Variants in LIMD1 observed in about 807,000 individuals in gnomAD.
The protein encoded by LIMD1 is LIM domain-containing protein 1.
LIMD1 carries 23 observed loss-of-function variants against 58.4 expected under a neutral mutation model. That is an observed-to-expected ratio of 0.39 (90% CI 0.28 to 0.56). LIMD1 has a LOEUF of 0.56. Among genes scored for constraint, LIMD1 ranks in the 20% least tolerant of loss-of-function variants. The pLI is 0.57. For synonymous variants in LIMD1, 334 were observed against 345.5 expected (o/e 0.97, Z 0.37); for missense variants, 838 against 855.5 (o/e 0.98, Z 0.25).
intron 1 of LIMD1, among the ~76,000 whole-genome samples, chr3:45,631,032 C>T (rs925119197): frequency 3.9e-5 from 6 of 152,028 alleles, no homozygotes; most frequent in Non-Finnish European, 8.8e-5. Context: ...GGAGAAACCC[C>T]GTCTCTACTA....
chr3:45,673,352 A>G, intron 5 of LIMD1, 102 bp from the exon 6 acceptor site: 1 of 859,944 alleles, frequency 1.2e-6, no homozygotes, highest in Non-Finnish European at 2.0e-6. Flanking sequence ...AAGGGGCAGG[A>G]GGCGGCATGG....
At chr3:45,623,888 G>A (rs1311380385) in intron 1 of LIMD1, among the ~76,000 whole-genome samples, 1 of 152,162 alleles carries the variant, frequency 6.6e-6, no homozygotes, top group Non-Finnish European at 1.5e-5. Context: ...TTCGCACATC[G>A]ATTCTGTACA....
rs1223997062 is a variant in LIMD1 at position 45,679,948 on chromosome 3, C to G, written c.*2889C>G. The stretch of plus-strand genomic sequence containing the variant: ...TTCCCATTTCTCTGTGGTTAGTGCT[C>G]GAGTGAAAACCTCTTTCAGCTGAGT... On this transcript the variant is annotated 3_prime_UTR_variant, in exon 8 of 8. Transcript: ENST00000273317. The G allele has an allele frequency of 6.6e-6, 1 of 152,130 alleles. No homozygotes were observed. Among genetic ancestry groups the G allele is most frequent in the Non-Finnish European group, 1.5e-5 (1 of 68,048 alleles). The allele number at this position is 152,130 out of a possible 1,614,324, so 9.4% of individuals were successfully genotyped here.
chr3:45,623,321 C>T lies in LIMD1; in HGVS notation c.1409-12829C>T, dbSNP rs553399748. On this transcript the variant is annotated intron_variant, in intron 1 of 7. Coordinates refer to ENST00000273317, the MANE Select transcript of LIMD1 (RefSeq NM_014240.3). ...GAGGCTGCAGGCTGGGCTGCCCTGGCGATAGCTGGAGGAGAGCTTCATGTA... is the reference window on the plus strand; with the variant it reads ...GAGGCTGCAGGCTGGGCTGCCCTGGTGATAGCTGGAGGAGAGCTTCATGTA... Among the ~76,000 whole-genome samples, 7 of 152,252 alleles carry T rather than the reference C, an allele frequency of 4.6e-5. No individual in the cohort carries two copies. The South Asian group carries it at 1.2e-3, about 27-fold the overall frequency.
intron 2 of LIMD1, among the ~76,000 whole-genome samples, chr3:45,664,738 G>A (rs1034861511): frequency 2.0e-5 from 3 of 152,214 alleles, no homozygotes; most frequent in Non-Finnish European, 4.4e-5. Context: ...GCCAGTGTTC[G>A]TCTGGCGGGT....
At chr3:45,625,208 T>TA (rs1241769820) in intron 1 of LIMD1, among the ~76,000 whole-genome samples, 1 of 152,156 alleles carries the variant, frequency 6.6e-6, no homozygotes, top group Non-Finnish European at 1.5e-5. Flanking sequence ...GTTCCATTGA[T>TA]ACTTTTTAAA....
At chr3:45,666,405 T>C (rs1382741505) in intron 3 of LIMD1, among the ~76,000 whole-genome samples, 2 of 152,128 alleles carry the variant, frequency 1.3e-5, no homozygotes, top group African/African-American at 4.8e-5. Context: ...CAAGAGGCCT[T>C]ATAGGGCATA....
intron 3 of LIMD1, among the ~76,000 whole-genome samples, chr3:45,667,064 T>C (rs1214591462): frequency 6.6e-6 from 1 of 152,192 alleles, no homozygotes; most frequent in Non-Finnish European, 1.5e-5. Context: ...TGTATCTCAG[T>C]GTTAGCTTCA....
At chr3:45,651,898 C>A (rs150718908) in intron 2 of LIMD1, among the ~76,000 whole-genome samples, 224 of 151,748 alleles carry the variant, frequency 1.5e-3, no homozygotes, top group African/African-American at 5.1e-3. Context: ...TCCCAAAGTG[C>A]TAGGATTATA....
At chr3:45,608,179 T>C (rs1416752432) in intron 1 of LIMD1, among the ~76,000 whole-genome samples, 1 of 152,234 alleles carries the variant, frequency 6.6e-6, no homozygotes, top group Non-Finnish European at 1.5e-5. Context: ...AGCTTGACTT[T>C]TCTGCTTCAC....
intron 2 of LIMD1, among the ~76,000 whole-genome samples, chr3:45,656,665 G>T (rs568177211): frequency 6.6e-6 from 1 of 151,858 alleles, no homozygotes; most frequent in Non-Finnish European, 1.5e-5. Context: ...TTACAGGCAC[G>T]CACCACCACA....
At position 45,594,795 on chromosome 3, in the gene LIMD1, A is replaced by ACACACACACACACACACACACACACACCC. The variant is rs1559510550; in HGVS notation, c.-58_-57insCCCACACACACACACACACACACACACAC. 3 of 113,324 alleles carry ACACACACACACACACACACACACACACCC rather than the reference A, an allele frequency of 2.6e-5. No homozygotes were observed. The highest frequency in any genetic ancestry group is 6.0e-5 in the African/African-American group (1 of 16,630). The allele number at this position is 113,324 out of a possible 1,614,324, so 7.0% of individuals were successfully genotyped here. On this transcript the variant is annotated 5_prime_UTR_variant, in exon 1 of 8. Transcript: ENST00000273317. ...CTGCCCTCAACACACACACACACAC[A>ACACACACACACACACACACACACACACCC]CACACACACACACACACACACACAC...
At chr3:45,601,578 C>G (rs1209305036) in intron 1 of LIMD1, among the ~76,000 whole-genome samples, 1 of 152,170 alleles carries the variant, frequency 6.6e-6, no homozygotes, top group Non-Finnish European at 1.5e-5. Context: ...TAGTAGCTAC[C>G]GTGTGTCAAG....
intron 1 of LIMD1, among the ~76,000 whole-genome samples, chr3:45,635,187 G>A (rs1287415697): frequency 6.6e-6 from 1 of 152,062 alleles, no homozygotes; most frequent in African/African-American, 2.4e-5. Context: ...GCAGTGAGCC[G>A]AGATTGCACC....
At chr3:45,676,864 G>A in intron 7 of LIMD1, 58 bp from the exon 8 acceptor site, 2 of 1,571,536 alleles carry the variant, frequency 1.3e-6, no homozygotes, top group Non-Finnish European at 1.8e-6. Flanking sequence ...GTGGCCTTCA[G>A]GTCAGTCTTG....
chr3:45,627,082 A>T (rs1004654484), intron 1 of LIMD1, among the ~76,000 whole-genome samples: 1 of 151,958 alleles, frequency 6.6e-6, no homozygotes, highest in Admixed American at 6.6e-5. Flanking sequence ...GGGCACACAA[A>T]CACCTTCTTC....
chr3:45,612,507 C>G (rs1019275009), intron 1 of LIMD1, among the ~76,000 whole-genome samples: 2 of 143,118 alleles, frequency 1.4e-5, no homozygotes, highest in Non-Finnish European at 3.2e-5. Flanking sequence ...CACACTCTCA[C>G]TTCTTGATAG....
At position 45,636,139 on chromosome 3, in the gene LIMD1, T is replaced by C; in HGVS notation, c.1409-11T>C. On this transcript the variant is annotated splice_polypyrimidine_tract_variant and intron_variant, in intron 1 of 7. Transcript: ENST00000273317. ...CCTCCTGACTCACTGATGTTTCTCT[T>C]GTCCTGCAAGGAGCCTGTGTGAAAT... is the stretch of plus-strand genomic sequence containing the variant. 1.2e-6 allele frequency: 2 copies of C among 1,612,494 alleles called. No individual in the cohort carries two copies. The highest frequency in any genetic ancestry group is 1.7e-6 in the Non-Finnish European group (2 of 1,178,956).
At chr3:45,653,658 C>T (rs1701995910) in intron 2 of LIMD1, among the ~76,000 whole-genome samples, 1 of 152,100 alleles carries the variant, frequency 6.6e-6, no homozygotes, top group Admixed American at 6.5e-5. Context: ...GCCTCTAATC[C>T]TAGCACTTTG....
Sources: gnomAD v4.1 joint callset for allele counts (sites outside exome capture counted in the v4.1 genomes callset) on GRCh38, gnomAD v4.1.1 for gene constraint, MANE v1.5 for transcripts, NCBI Gene and HGNC (gene_info 2026-07-23, HGNC 2026-07-21) for gene names.